Variants in PAK5 observed in about 807,000 individuals in gnomAD.
PAK5 encodes the protein serine/threonine-protein kinase PAK 5.
Under a neutral mutation model 65.9 loss-of-function variants are expected in PAK5, and 16 were observed. The observed-to-expected ratio is 0.24, with a 90% confidence interval of 0.16 to 0.37. The LOEUF (loss-of-function observed/expected upper bound fraction) is 0.37. PAK5 is among the 10% of genes least tolerant of loss of function. The probability of loss-of-function intolerance (pLI) is 1.00; values close to 1 mark genes in which losing one functional copy is unlikely to be tolerated. For missense variants in PAK5, 785 were observed against 903.9 expected, an observed-to-expected ratio of 0.87 and a Z score of 1.69; for synonymous variants, 371 against 354.9, an observed-to-expected ratio of 1.05 and a Z score of -0.51.
At chr20:9,548,848 T>A (rs991403171) in intron 7 of PAK5, among the ~76,000 whole-genome samples, 2 of 152,202 alleles carry the variant, frequency 1.3e-5, no homozygotes, top group Admixed American at 1.3e-4. Flanking sequence ...CATTTCCTTG[T>A]TCATGATATT....
chr20:9,799,939 C>CAAAAAAAAAAAAAAAAAAAA (rs71331383), intron 1 of PAK5, among the ~76,000 whole-genome samples: 2 of 43,662 alleles, frequency 4.6e-5, no homozygotes, highest in Non-Finnish European at 9.1e-5. Flanking sequence ...ACTCTGTCTC[C>CAAAAAAAAAAAAAAAAAAAA]AAAAAAAAAA....
intron 1 of PAK5, among the ~76,000 whole-genome samples, chr20:9,750,730 C>T (rs1448898013): frequency 6.6e-6 from 1 of 152,074 alleles, no homozygotes; most frequent in Non-Finnish European, 1.5e-5. Flanking sequence ...GAATTCCACC[C>T]CAACCTGCCC....
At chr20:9,650,589 T>C (rs1379386939) in intron 2 of PAK5, among the ~76,000 whole-genome samples, 1 of 152,350 alleles carries the variant, frequency 6.6e-6, no homozygotes, top group African/African-American at 2.4e-5. Flanking sequence ...CAGTTTTCAG[T>C]CCCTGTGGGG....
intron 1 of PAK5, among the ~76,000 whole-genome samples, chr20:9,779,845 AATTGTTACAATCAT>A (rs931371547): frequency 1.3e-5 from 2 of 152,106 alleles, no homozygotes; most frequent in Non-Finnish European, 2.9e-5. Flanking sequence ...TAACCAAGAT[AATTGTTACAATCAT>A]ATGCTTTTTA....
At chr20:9,780,439 T>C (rs1290603787) in intron 1 of PAK5, among the ~76,000 whole-genome samples, 3 of 152,122 alleles carry the variant, frequency 2.0e-5, no homozygotes, top group Non-Finnish European at 4.4e-5. Flanking sequence ...CATATTTTCT[T>C]AATCAAAAGC....
intron 1 of PAK5, among the ~76,000 whole-genome samples, chr20:9,751,938 T>C (rs1293942634): frequency 6.6e-6 from 1 of 152,196 alleles, no homozygotes; most frequent in Non-Finnish European, 1.5e-5. Flanking sequence ...ATGATGTGCA[T>C]AATCAGACGC....
chr20:9,809,747 T>C (rs2049276255), intron 1 of PAK5, among the ~76,000 whole-genome samples: 1 of 152,244 alleles, frequency 6.6e-6, no homozygotes, highest in African/African-American at 2.4e-5. Flanking sequence ...ACCAACTTTA[T>C]ATTGACTCAT....
At chr20:9,549,145 G>A (rs902668888) in intron 7 of PAK5, among the ~76,000 whole-genome samples, 2 of 152,112 alleles carry the variant, frequency 1.3e-5, no homozygotes, top group African/African-American at 4.8e-5. Context: ...TCCACCCCTT[G>A]TAGTCTGGGA....
At chr20:9,626,846 A>C (rs2046851476) in intron 3 of PAK5, among the ~76,000 whole-genome samples, 1 of 152,104 alleles carries the variant, frequency 6.6e-6, no homozygotes, top group African/African-American at 2.4e-5. Context: ...GTAACCCCTG[A>C]AATTTGGTGA....
chr20:9,789,731 T>C (rs2049030226), intron 1 of PAK5, among the ~76,000 whole-genome samples: 3 of 152,076 alleles, frequency 2.0e-5, no homozygotes, highest in Admixed American at 2.0e-4. Context: ...AGACAAACTG[T>C]CTCCTGAATT....
intron 1 of PAK5, among the ~76,000 whole-genome samples, chr20:9,716,179 C>T (rs924381650): frequency 2.0e-5 from 3 of 151,396 alleles, no homozygotes; most frequent in Non-Finnish European, 4.4e-5. Context: ...AAAGCATGCT[C>T]TATGTTTTAA....
At chr20:9,660,015 T>A (rs1363420985) in intron 2 of PAK5, among the ~76,000 whole-genome samples, 1 of 151,860 alleles carries the variant, frequency 6.6e-6, no homozygotes, top group Non-Finnish European at 1.5e-5. Flanking sequence ...GAACTGAGAG[T>A]CACAATAAGA....
chr20:9,552,273 A>G (rs1385020309), intron 7 of PAK5, among the ~76,000 whole-genome samples: 3 of 152,230 alleles, frequency 2.0e-5, no homozygotes, highest in Non-Finnish European at 4.4e-5. Context: ...ATTCCGGCCA[A>G]TGAATTTGTC....
chr20:9,723,905 G>C (rs1354620577), intron 1 of PAK5, among the ~76,000 whole-genome samples: 1 of 152,156 alleles, frequency 6.6e-6, no homozygotes. Context: ...AAATAAATTT[G>C]TGGCTGCTTA....
chr20:9,627,447 G>A (rs1473853184), intron 3 of PAK5, among the ~76,000 whole-genome samples: 1 of 152,146 alleles, frequency 6.6e-6, no homozygotes, highest in Non-Finnish European at 1.5e-5. Context: ...GCTGCTGCAA[G>A]TAGTCATTGC....
At chr20:9,595,224 C>G (rs1172655934) in intron 3 of PAK5, among the ~76,000 whole-genome samples, 2 of 151,894 alleles carry the variant, frequency 1.3e-5, no homozygotes, top group Non-Finnish European at 1.5e-5. Context: ...AACAGCAATT[C>G]AAAACAGAAA....
intron 5 of PAK5, among the ~76,000 whole-genome samples, chr20:9,564,372 C>G (rs1398483349): frequency 6.6e-6 from 1 of 152,114 alleles, no homozygotes; most frequent in East Asian, 1.9e-4. Context: ...TCCTACACAT[C>G]AATAAAACAA....
At chr20:9,638,635 C>T (rs987373824) in intron 3 of PAK5, among the ~76,000 whole-genome samples, 6 of 152,170 alleles carry the variant, frequency 3.9e-5, no homozygotes, top group Non-Finnish European at 8.8e-5. Context: ...GAGAATGGAG[C>T]CCAGCAATCT....
intron 3 of PAK5, among the ~76,000 whole-genome samples, chr20:9,635,124 A>C (rs2046968055): frequency 6.6e-6 from 1 of 152,158 alleles, no homozygotes; most frequent in Non-Finnish European, 1.5e-5. Context: ...TCTTTATAAC[A>C]TATACACTCT....
Sources: gnomAD v4.1 joint callset for allele counts (sites outside exome capture counted in the v4.1 genomes callset) on GRCh38, gnomAD v4.1.1 for gene constraint, MANE v1.5 for transcripts, NCBI Gene and HGNC (gene_info 2026-07-23, HGNC 2026-07-21) for gene names.